The following UST variants were observed in gnomAD, a reference collection of about 807,000 sequenced individuals.
UST encodes uronyl 2-sulfotransferase.
UST carries 21 observed loss-of-function variants against 45.6 expected under a neutral mutation model. The ratio of observed to expected loss-of-function variants is 0.46; its 90% CI spans 0.33 to 0.66. UST has a LOEUF of 0.66. Ranked by LOEUF, UST falls within the 30% of genes least tolerant of loss-of-function variation. The probability of loss-of-function intolerance (pLI) is 0.02; values close to 1 mark genes in which losing one functional copy is unlikely to be tolerated. For synonymous variants in UST, 215 were observed against 200.6 expected (o/e 1.07, Z -0.61); for missense variants, 463 against 512.4 (o/e 0.90, Z 0.93).
At chr6:149,068,663 A>C (rs1776776330) in intron 7 of UST, among the ~76,000 whole-genome samples, 1 of 152,292 alleles carries the variant, frequency 6.6e-6, no homozygotes, top group Middle Eastern at 3.4e-3. Flanking sequence ...ATTTTTTTCC[A>C]TGCATAGAAT....
chr6:148,888,139 A>G lies in UST; in HGVS notation c.291+1110A>G, dbSNP rs185887741. Among the ~76,000 whole-genome samples the G allele has an allele frequency of 1.1e-3, 168 of 152,298 alleles. 1 individual carries two copies. In the South Asian group the frequency reaches 0.012, roughly 11 times the overall value. Reference sequence around the variant, plus strand: ...CTGGGGAGGCTTCAGGAAACTTTCAATCATGGTGGAAGGCAGAGAGGAAGC... The same window carrying G: ...CTGGGGAGGCTTCAGGAAACTTTCAGTCATGGTGGAAGGCAGAGAGGAAGC... On this transcript the variant is annotated intron_variant, in intron 2 of 7. Transcript: ENST00000367463.
intron 1 of UST, among the ~76,000 whole-genome samples, chr6:148,828,857 T>C (rs1244281762): frequency 6.6e-6 from 1 of 152,244 alleles, no homozygotes; most frequent in Non-Finnish European, 1.5e-5. Flanking sequence ...AATGTTACAG[T>C]AACATTTTAT....
chr6:148,899,497 A>G (rs1202416952), intron 2 of UST, among the ~76,000 whole-genome samples: 8 of 152,232 alleles, frequency 5.3e-5, no homozygotes, highest in Admixed American at 1.3e-4. Context: ...GAAAGTACAG[A>G]AAATTATAGA....
intron 2 of UST, among the ~76,000 whole-genome samples, chr6:148,913,218 G>A (rs539084283): frequency 1.4e-4 from 21 of 152,172 alleles, no homozygotes; most frequent in South Asian, 2.1e-4. Flanking sequence ...GGAAAATCCC[G>A]TCCCTGGCCA....
intron 7 of UST, among the ~76,000 whole-genome samples, chr6:149,030,774 T>C (rs1776127737): frequency 6.6e-6 from 1 of 152,114 alleles, no homozygotes; most frequent in African/African-American, 2.4e-5. Context: ...GCCAGTGTGT[T>C]ATCTTAAGCC....
At chr6:148,955,184 C>T (rs1780461942) in intron 4 of UST, among the ~76,000 whole-genome samples, 1 of 152,206 alleles carries the variant, frequency 6.6e-6, no homozygotes, top group African/African-American at 2.4e-5. Flanking sequence ...CAGGCAACAT[C>T]TGCTAGTTAG....
chr6:148,834,908 A>T lies in UST; in HGVS notation c.248-52078A>T, dbSNP rs143035083. Reference sequence around the variant, plus strand: ...TAATAGAAAACAGCCATTTAGCATGACCTATTAATATGGAGTGCCCAAAGT... The same window carrying T: ...TAATAGAAAACAGCCATTTAGCATGTCCTATTAATATGGAGTGCCCAAAGT... On this transcript the variant is annotated intron_variant, in intron 1 of 7. Coordinates refer to ENST00000367463, the MANE Select transcript of UST (RefSeq NM_005715.3). 3.6e-3 allele frequency among the ~76,000 whole-genome samples: 542 copies of T among 152,354 alleles called. 6 individuals carry two copies. Among genetic ancestry groups the T allele is most frequent in the African/African-American group, 0.012 (492 of 41,592 alleles).
At chr6:148,769,929 C>T (rs187426925) in intron 1 of UST, among the ~76,000 whole-genome samples, 2 of 151,462 alleles carry the variant, frequency 1.3e-5, no homozygotes, top group Middle Eastern at 3.4e-3. Context: ...TTTTCGTTTA[C>T]TGGCTATTTT....
chr6:148,879,132 T>A (rs1778778154), intron 1 of UST, among the ~76,000 whole-genome samples: 1 of 151,978 alleles, frequency 6.6e-6, no homozygotes, highest in Non-Finnish European at 1.5e-5. Context: ...TGCCCGGAGG[T>A]GCCCTGTGCC....
intron 2 of UST, among the ~76,000 whole-genome samples, chr6:148,913,423 C>CTTTTTTTTTTTTTTTTTTTTTTTTTTTTT (rs34110477): frequency 1.3e-5 from 1 of 79,880 alleles, no homozygotes; most frequent in African/African-American, 5.0e-5. Flanking sequence ...GACCAAAAAT[C>CTTTTTTTTTTTTTTTTTTTTTTTTTTTTT]TTTTTTTTTT....
At chr6:148,816,277 A>C (rs765506041) in intron 1 of UST, among the ~76,000 whole-genome samples, 1 of 152,340 alleles carries the variant, frequency 6.6e-6, no homozygotes, top group Middle Eastern at 3.4e-3. Flanking sequence ...CATGAGGAGG[A>C]GGATGAATGA....
At chr6:148,782,308 C>T (rs144455662) in intron 1 of UST, among the ~76,000 whole-genome samples, 198 of 152,182 alleles carry the variant, frequency 1.3e-3, no homozygotes, top group Admixed American at 6.5e-3. Context: ...GGGATGACAT[C>T]GAGGGGGTCA....
In UST at chr6:149,045,865, A is replaced by C. The variant is rs531064890; in HGVS notation, c.937+24384A>C. Among the ~76,000 whole-genome samples the C allele has an allele frequency of 2.0e-5, 3 of 152,294 alleles. No homozygotes were observed. The South Asian group carries it at 6.2e-4, about 32-fold the overall frequency. On this transcript the variant is annotated intron_variant, in intron 7 of 7. Coordinates refer to ENST00000367463, the MANE Select transcript of UST (RefSeq NM_005715.3). ...GTGCCACAATTTTGCCAGTCACCCAAGTCTGGAAGCTTGAAGTCCTTTCAA... is the reference window on the plus strand; with the variant it reads ...GTGCCACAATTTTGCCAGTCACCCACGTCTGGAAGCTTGAAGTCCTTTCAA...
chr6:148,865,673 T>C (rs957065587), intron 1 of UST, among the ~76,000 whole-genome samples: 13 of 98,846 alleles, frequency 1.3e-4, no homozygotes, highest in African/African-American at 6.8e-4. Context: ...ATTGTGTGTG[T>C]GTGTGTGTGT....
chr6:149,032,982 G>A (rs1776178165), intron 7 of UST, among the ~76,000 whole-genome samples: 1 of 152,168 alleles, frequency 6.6e-6, no homozygotes, highest in African/African-American at 2.4e-5. Context: ...TATTTGTAGG[G>A]GGTGGAATTA....
intron 2 of UST, among the ~76,000 whole-genome samples, chr6:148,920,308 C>G (rs556344275): frequency 6.1e-5 from 9 of 146,790 alleles, no homozygotes; most frequent in African/African-American, 2.2e-4. Flanking sequence ...TTGTGAGCCT[C>G]TTGGTCCTAA....
chr6:148,747,325 G>A lies in UST; in HGVS notation c.-106G>A. On this transcript the variant is annotated 5_prime_UTR_variant, in exon 1 of 8. Coordinates refer to ENST00000367463, the MANE Select transcript of UST (RefSeq NM_005715.3). ...CCCCGCCCCCACCCGGCTGCCCTCC[G>A]CGCGGCCCTCCCCATGTGCAGCCGG... 7.7e-7 allele frequency: 1 copy of A among 1,295,026 alleles called. No individual in the cohort carries two copies. The allele number at this position is 1,295,026 out of a possible 1,614,324, so 80.2% of individuals were successfully genotyped here.
chr6:148,829,403 A>T (rs1179338349), intron 1 of UST, among the ~76,000 whole-genome samples: 3 of 152,222 alleles, frequency 2.0e-5, no homozygotes, highest in Non-Finnish European at 4.4e-5. Context: ...GAAAATGCAG[A>T]AATCTTCAGC....
chr6:148,949,986 A>G (rs1780333420), intron 3 of UST, among the ~76,000 whole-genome samples: 1 of 152,092 alleles, frequency 6.6e-6, no homozygotes, highest in Admixed American at 6.5e-5. Context: ...ACCATCACGT[A>G]TTTGGTTGTC....
Sources: allele counts gnomAD v4.1 joint callset (sites outside exome capture counted in the v4.1 genomes callset), GRCh38; gene constraint gnomAD v4.1.1; transcripts MANE v1.5; gene names NCBI Gene and HGNC (gene_info 2026-07-23, HGNC 2026-07-21).